The following SLC38A1 variants were observed in gnomAD, a reference collection of about 807,000 sequenced individuals.
SLC38A1 encodes solute carrier family 38 member 1.
A neutral mutation model predicts 60.3 loss-of-function variants in SLC38A1; 18 were observed. The ratio of observed to expected loss-of-function variants is 0.30; its 90% CI spans 0.21 to 0.44. SLC38A1 has a LOEUF of 0.44. Among genes scored for constraint, SLC38A1 ranks in the 20% least tolerant of loss-of-function variants. The probability of loss-of-function intolerance (pLI) is 1.00; values close to 1 mark genes in which losing one functional copy is unlikely to be tolerated. For missense variants in SLC38A1, 448 were observed against 587.2 expected, an observed-to-expected ratio of 0.76 and a Z score of 2.45; for synonymous variants, 196 against 212.1, an observed-to-expected ratio of 0.92 and a Z score of 0.66.
At chr12:46,253,959 C>T (rs762920834) in intron 1 of SLC38A1, among the ~76,000 whole-genome samples, 1 of 151,932 alleles carries the variant, frequency 6.6e-6, no homozygotes, top group Non-Finnish European at 1.5e-5. Context: ...TAAGTTCTGA[C>T]AAAAAGTAAT....
chr12:46,241,935 A>G (rs1012598662), intron 2 of SLC38A1, among the ~76,000 whole-genome samples: 1 of 152,200 alleles, frequency 6.6e-6, no homozygotes, highest in Non-Finnish European at 1.5e-5. Flanking sequence ...ATGGAAGGAA[A>G]TAGGGCACCA....
chr12:46,189,054 G>C lies in SLC38A1; in HGVS notation c.1380C>G (p.Gly460=), dbSNP rs1478384944. ...TQRIWAALFL[G]LGVLFSLVSI... is the part of the protein sequence containing the mutation. ...TGACCAAGGAGAACAACACCCCCAG[G>C]CCCAAGAAAAGGGCAGCCTGGAGCA... Residue 460 remains glycine, a synonymous_variant, in exon 17 of 17, where the codon GGC becomes GGG. Coordinates refer to ENST00000398637, the MANE Select transcript of SLC38A1 (RefSeq NM_030674.4). 1.9e-6 allele frequency: 3 copies of C among 1,613,602 alleles called. No individual in the cohort carries two copies. Among genetic ancestry groups the C allele is most frequent in the Non-Finnish European group, 2.5e-6 (3 of 1,179,776 alleles).
intron 5 of SLC38A1, among the ~76,000 whole-genome samples, chr12:46,226,849 C>T (rs946287618): frequency 6.6e-6 from 1 of 152,024 alleles, no homozygotes; most frequent in African/African-American, 2.4e-5. Context: ...TGGTCTCAAA[C>T]TGCCAGGTGA....
At chr12:46,190,462 T>G (rs1939100923) in intron 16 of SLC38A1, among the ~76,000 whole-genome samples, 2 of 152,214 alleles carry the variant, frequency 1.3e-5, no homozygotes, top group Non-Finnish European at 2.9e-5. Flanking sequence ...GTAATGGGAT[T>G]GCTGGGTCAA....
chr12:46,207,297 T>G (rs779020723), intron 7 of SLC38A1, 61 bp from the exon 8 acceptor site: 79 of 1,439,288 alleles, frequency 5.5e-5, no homozygotes, highest in Non-Finnish European at 7.3e-5. Context: ...GCAAGCTACA[T>G]AAAAAGTTAT....
chr12:46,243,279 A>G lies in SLC38A1; in HGVS notation c.-173T>C, dbSNP rs1941506378. On this transcript the variant is annotated 5_prime_UTR_variant, in exon 2 of 17. Transcript: ENST00000398637. ...CCAGGGTTTTTCTATGCACATAGAT[A>G]TAGTGCCTGGCACACAGTAGACACT... The G allele has an allele frequency of 6.6e-6, 1 of 152,162 alleles. No homozygotes were observed. Among genetic ancestry groups the G allele is most frequent in the African/African-American group, 2.4e-5 (1 of 41,442 alleles). 9.4% of individuals were successfully genotyped at this position (152,162 alleles called of 1,614,324 possible). A position where few individuals can be genotyped will look rare whatever the true frequency, so the allele number is the denominator to read the frequency against.
chr12:46,190,074 C>T (rs944098734), intron 16 of SLC38A1, among the ~76,000 whole-genome samples: 2 of 152,120 alleles, frequency 1.3e-5, no homozygotes, highest in African/African-American at 4.8e-5. Flanking sequence ...TCTCGTAATG[C>T]TATCCCTCCC....
intron 1 of SLC38A1, among the ~76,000 whole-genome samples, chr12:46,247,307 T>TAAAATA (rs2138530104): frequency 6.6e-6 from 1 of 152,292 alleles, no homozygotes; most frequent in East Asian, 1.9e-4. Context: ...GATGAATGGC[T>TAAAATA]AACTAAAATA....
At chr12:46,189,696 A>G (rs1230089856) in intron 16 of SLC38A1, among the ~76,000 whole-genome samples, 2 of 152,014 alleles carry the variant, frequency 1.3e-5, no homozygotes, top group Non-Finnish European at 2.9e-5. Context: ...GTTACCTGGT[A>G]GGAGGTAATT....
intron 5 of SLC38A1, among the ~76,000 whole-genome samples, chr12:46,224,557 A>G (rs1940792204): frequency 1.3e-5 from 2 of 152,186 alleles, no homozygotes; most frequent in South Asian, 2.1e-4. Context: ...TGCTGGTCCA[A>G]AGAAGCCTGG....
At chr12:46,211,013 TGA>T (rs1940142942) in intron 5 of SLC38A1, among the ~76,000 whole-genome samples, 2 of 152,212 alleles carry the variant, frequency 1.3e-5, no homozygotes, top group Non-Finnish European at 2.9e-5. Context: ...GAACAGGATT[TGA>T]TATGCTCTGC....
intron 1 of SLC38A1, among the ~76,000 whole-genome samples, chr12:46,265,085 G>T (rs554059322): frequency 6.6e-6 from 1 of 152,242 alleles, no homozygotes; most frequent in African/African-American, 2.4e-5. Flanking sequence ...AATACATATG[G>T]AATGCTAACA....
At chr12:46,245,397 C>A (rs984581741) in intron 1 of SLC38A1, among the ~76,000 whole-genome samples, 1 of 152,128 alleles carries the variant, frequency 6.6e-6, no homozygotes, top group African/African-American at 2.4e-5. Context: ...TAATGCAAAT[C>A]CATACTGCAA....
intron 13 of SLC38A1, 141 bp from the exon 14 acceptor site, chr12:46,198,884 T>G: frequency 1.6e-6 from 1 of 615,462 alleles, no homozygotes; most frequent in Non-Finnish European, 2.9e-6. Context: ...ACAATCAGGT[T>G]GGAAAGAAAA....
At chr12:46,241,436 T>C (rs1941444861) in intron 2 of SLC38A1, among the ~76,000 whole-genome samples, 2 of 152,188 alleles carry the variant, frequency 1.3e-5, no homozygotes, top group Admixed American at 1.3e-4. Flanking sequence ...AGAATAAAAC[T>C]TCCCTGGTTT....
chr12:46,266,291 T>C (rs547320736), intron 1 of SLC38A1, among the ~76,000 whole-genome samples: 11 of 152,256 alleles, frequency 7.2e-5, no homozygotes, highest in African/African-American at 2.2e-4. Flanking sequence ...ATCAGAAACA[T>C]GGTGCTCCTT....
rs184629674 is a variant in SLC38A1, at chr12:46,250,740, C to A, written c.-208-7426G>T. Among the ~76,000 whole-genome samples, 458 of 152,264 alleles carry A rather than the reference C, an allele frequency of 3.0e-3. 3 individuals are homozygous for A. Among genetic ancestry groups the A allele is most frequent in the African/African-American group, 0.011 (438 of 41,554 alleles). On this transcript the variant is annotated intron_variant, in intron 1 of 16. Coordinates refer to ENST00000398637, the MANE Select transcript of SLC38A1 (RefSeq NM_030674.4). Reference sequence around the variant, plus strand: ...CAAATCATGAGTGAACTCCCATTCACAATTGCTACAAAGAGAATAAAATAC... The same window carrying A: ...CAAATCATGAGTGAACTCCCATTCAAAATTGCTACAAAGAGAATAAAATAC...
At chr12:46,260,265 G>A (rs763333070) in intron 1 of SLC38A1, among the ~76,000 whole-genome samples, 6 of 152,114 alleles carry the variant, frequency 3.9e-5, no homozygotes, top group African/African-American at 7.2e-5. Flanking sequence ...TTTGGGCCTC[G>A]ACTCTTCTTG....
At chr12:46,262,368 T>A (rs1175402993) in intron 1 of SLC38A1, among the ~76,000 whole-genome samples, 1 of 151,316 alleles carries the variant, frequency 6.6e-6, no homozygotes, top group Non-Finnish European at 1.5e-5. Flanking sequence ...ACAGACTGTA[T>A]ATTACATTTA....
Sources: gnomAD v4.1 joint callset for allele counts (sites outside exome capture counted in the v4.1 genomes callset) on GRCh38, gnomAD v4.1.1 for gene constraint, MANE v1.5 for transcripts, NCBI Gene and HGNC (gene_info 2026-07-23, HGNC 2026-07-21) for gene names.